Variants in KIAA0586 observed in about 807,000 individuals in gnomAD.
The protein encoded by KIAA0586 is KIAA0586.
A neutral mutation model predicts 169.8 loss-of-function variants in KIAA0586; 144 were observed. The ratio of observed to expected loss-of-function variants is 0.85; its 90% CI spans 0.74 to 0.97. The LOEUF (loss-of-function observed/expected upper bound fraction) is 0.97. KIAA0586 is among the 50% of genes least tolerant of loss of function. KIAA0586 has a pLI of 0.00. For missense variants in KIAA0586, 1,854 were observed against 1,823.0 expected (o/e 1.02, Z -0.31); for synonymous variants, 625 against 612.4 (o/e 1.02, Z -0.30).
intron 26 of KIAA0586, among the ~76,000 whole-genome samples, chr14:58,494,335 T>TC (rs1334512949): frequency 1.3e-5 from 2 of 151,588 alleles, no homozygotes; most frequent in Non-Finnish European, 2.9e-5. Context: ...TGTTGTTTTT[T>TC]TTTTTGCTTT....
chr14:58,499,383 G>T (rs2141316246), intron 27 of KIAA0586, among the ~76,000 whole-genome samples: 1 of 151,916 alleles, frequency 6.6e-6, no homozygotes, highest in East Asian at 1.9e-4. Flanking sequence ...CTCCCGAGCA[G>T]CTGGGACTAC....
intron 29 of KIAA0586, among the ~76,000 whole-genome samples, chr14:58,517,572 ATAAAAT>A (rs2044856545): frequency 2.6e-5 from 4 of 152,204 alleles, no homozygotes; most frequent in African/African-American, 9.6e-5. Flanking sequence ...ACAGTTTCTT[ATAAAAT>A]TAAACATAAA....
At position 58,450,612 on chromosome 14, in the gene KIAA0586, A is replaced by T; in HGVS notation, c.995A>T (p.Asp332Val). ...PLKEVEDTSF[D>V]KQKSPLETPA... ...AAAGAAGTTGAAGATACGAGTTTTG[A>T]TAAACAGAAATCTCCTTTGGAGACA... is the stretch of plus-strand genomic sequence containing the variant. Residue 332 changes from aspartate to valine, a missense_variant, in exon 8 of 31, where the codon GAT becomes GTT. Physicochemically the swap from Asp to Val is radical, Grantham distance 152 (BLOSUM62 -3). Coordinates refer to ENST00000652326, the MANE Select transcript of KIAA0586 (RefSeq NM_001329943.3). 6.2e-7 allele frequency: 1 copy of T among 1,610,390 alleles called. No individual in the cohort carries two copies. The highest frequency in any genetic ancestry group is 8.5e-7 in the Non-Finnish European group (1 of 1,178,732).
intron 21 of KIAA0586, among the ~76,000 whole-genome samples, chr14:58,484,910 A>ATATATT (rs1555391532): frequency 4.0e-5 from 1 of 25,042 alleles, no homozygotes; most frequent in Non-Finnish European, 7.8e-5. Flanking sequence ...ATATATATAT[A>ATATATT]TATATATATA....
chr14:58,493,471 A>G (rs1355728213), intron 26 of KIAA0586, among the ~76,000 whole-genome samples: 1 of 152,178 alleles, frequency 6.6e-6, no homozygotes, highest in Non-Finnish European at 1.5e-5. Flanking sequence ...TGCTGTTTCT[A>G]TCATATCTGG....
chr14:58,540,141 G>C lies in KIAA0586; in HGVS notation c.4495+5G>C. 1 of 1,516,902 alleles carries C rather than the reference G, an allele frequency of 6.6e-7. No individual in the cohort carries two copies. Among genetic ancestry groups the C allele is most frequent in the Non-Finnish European group, 9.0e-7 (1 of 1,115,204 alleles). 94.0% of individuals were successfully genotyped at this position (1,516,902 alleles called of 1,614,324 possible). A position where few individuals can be genotyped will look rare whatever the true frequency, so the allele number is the denominator to read the frequency against. On this transcript the variant is annotated splice_donor_5th_base_variant and intron_variant, in intron 30 of 30. Transcript: ENST00000652326. ...ACCTCACATGTGTATTTTCAGGTAA[G>C]ATTTTTACTTTAAAAGTTCTTGAAC...
intron 29 of KIAA0586, among the ~76,000 whole-genome samples, chr14:58,528,331 A>G (rs952285720): frequency 6.6e-6 from 1 of 152,192 alleles, no homozygotes; most frequent in African/African-American, 2.4e-5. Flanking sequence ...CAGGACTTGA[A>G]CTCAGCTGTG....
intron 15 of KIAA0586, among the ~76,000 whole-genome samples, 176 bp downstream of exon 15, chr14:58,466,205 C>A (rs550120525): frequency 3.3e-5 from 5 of 152,124 alleles, no homozygotes; most frequent in African/African-American, 1.2e-4. Context: ...CGTGAGGCAC[C>A]GTGCCCAGCC....
rs757075176 is a variant in KIAA0586 at position 58,474,715 on chromosome 14, G to A, written c.2743G>A (p.Ala915Thr). 1.3e-5 allele frequency: 21 copies of A among 1,613,342 alleles called. No individual in the cohort carries two copies. Among genetic ancestry groups the A allele is most frequent in the African/African-American group, 1.3e-5 (1 of 74,896 alleles). The change falls in exon 19 of 31, where the codon GCT (alanine) becomes ACT (threonine). Residue 915 changes from alanine (A) to threonine (T), a missense_variant. By Grantham distance (58) the Ala-to-Thr change is moderately conservative (BLOSUM62 0). Transcript: ENST00000652326. The stretch of plus-strand genomic sequence containing the variant: ...TAATGGTCCTCCATTTCCGCCAGTT[G>A]CTTCTACTTTTCAGCCCACTGCTGA... ...KYNGPPFPPV[A>T]STFQPTADIL...
chr14:58,462,171 A>C (rs978354839), intron 14 of KIAA0586, among the ~76,000 whole-genome samples: 2 of 152,122 alleles, frequency 1.3e-5, no homozygotes, highest in Non-Finnish European at 2.9e-5. Flanking sequence ...AATAGAAAGC[A>C]TATAGCTTAT....
intron 29 of KIAA0586, among the ~76,000 whole-genome samples, chr14:58,537,716 T>C (rs535568148): frequency 5.8e-4 from 88 of 152,206 alleles, no homozygotes; most frequent in Middle Eastern, 3.4e-3. Context: ...GGCGTGATCT[T>C]GGCTCACTGC....
intron 29 of KIAA0586, among the ~76,000 whole-genome samples, chr14:58,524,829 C>G (rs2045468720): frequency 6.6e-6 from 1 of 152,172 alleles, no homozygotes; most frequent in Non-Finnish European, 1.5e-5. Context: ...GATTTTCTTG[C>G]CTCAGCCTCC....
intron 1 of KIAA0586, 22 bp downstream of exon 1, chr14:58,428,485 T>G: frequency 1.3e-6 from 2 of 1,548,812 alleles, no homozygotes; most frequent in East Asian, 2.2e-5. Context: ...CATGTAGTTT[T>G]TCAACCAGTT....
Position 58,474,798 on chromosome 14 carries a change from G to T in KIAA0586, c.2825+1G>T. On this transcript the variant is annotated splice_donor_variant, in intron 19 of 30. Transcript: ENST00000652326. LOFTEE classifies it high-confidence loss of function. Reference sequence around the variant, plus strand: ...CACTGGAAAATAGCTTAATTCAATGGTAAGTTTATAATGTTTTTGGTATGA... The same window carrying T: ...CACTGGAAAATAGCTTAATTCAATGTTAAGTTTATAATGTTTTTGGTATGA... 6.3e-7 allele frequency: 1 copy of T among 1,583,666 alleles called. No individual in the cohort carries two copies. Among genetic ancestry groups the T allele is most frequent in the Non-Finnish European group, 8.6e-7 (1 of 1,161,628 alleles).
intron 6 of KIAA0586, among the ~76,000 whole-genome samples, chr14:58,446,839 GAGTCTATAAACTATT>G (rs1296002300): frequency 2.6e-5 from 4 of 152,152 alleles, no homozygotes; most frequent in Admixed American, 2.6e-4. Flanking sequence ...GACCAGGAAT[GAGTCTATAAACTATT>G]AGTTTATAGA....
At chr14:58,440,691 A>G (rs1006121651) in intron 4 of KIAA0586, among the ~76,000 whole-genome samples, 1 of 152,234 alleles carries the variant, frequency 6.6e-6, no homozygotes, top group Admixed American at 6.5e-5. Flanking sequence ...AATTCTTTTC[A>G]GTGGTGTTAT....
chr14:58,479,071 T>G (rs965459173), intron 20 of KIAA0586, among the ~76,000 whole-genome samples: 1 of 152,210 alleles, frequency 6.6e-6, no homozygotes, highest in Admixed American at 6.5e-5. Flanking sequence ...ATATGATAAG[T>G]AAATGTTTAA....
At chr14:58,519,097 A>G (rs1247211690) in intron 29 of KIAA0586, among the ~76,000 whole-genome samples, 1 of 152,212 alleles carries the variant, frequency 6.6e-6, no homozygotes, top group Admixed American at 6.5e-5. Flanking sequence ...GCACCACTGC[A>G]CTCCAGCTTG....
At position 58,427,759 on chromosome 14, in the gene KIAA0586, C is replaced by A. The variant is rs559305808; in HGVS notation, c.-506C>A. 143 of 1,530,802 alleles carry A rather than the reference C, an allele frequency of 9.3e-5. 1 individual carries two copies. The highest frequency in any genetic ancestry group is 4.2e-4 in the Middle Eastern group (2 of 4,802). 94.8% of individuals were successfully genotyped at this position (1,530,802 alleles called of 1,614,324 possible). A position where few individuals can be genotyped will look rare whatever the true frequency, so the allele number is the denominator to read the frequency against. Reference sequence around the variant, plus strand: ...CACCCACGACGGTGCGGGTCTCGGGCGTTCTGGAGATACGTAGGGGTGAAT... The same window carrying A: ...CACCCACGACGGTGCGGGTCTCGGGAGTTCTGGAGATACGTAGGGGTGAAT... On this transcript the variant is annotated 5_prime_UTR_variant, in exon 1 of 31. Transcript: ENST00000652326.
Sources: allele counts gnomAD v4.1 joint callset (sites outside exome capture counted in the v4.1 genomes callset), GRCh38; gene constraint gnomAD v4.1.1; transcripts MANE v1.5; gene names NCBI Gene and HGNC (gene_info 2026-07-23, HGNC 2026-07-21).